The following STON2 variants were observed in gnomAD, a reference collection of about 807,000 sequenced individuals.
The protein encoded by STON2 is stonin-2.
Under a neutral mutation model 65.7 loss-of-function variants are expected in STON2, and 29 were observed. The observed-to-expected ratio is 0.44, with a 90% confidence interval of 0.33 to 0.60. The LOEUF (loss-of-function observed/expected upper bound fraction) is 0.60. Ranked by LOEUF, STON2 falls within the 20% of genes least tolerant of loss-of-function variation. The probability of loss-of-function intolerance (pLI) is 0.03; values close to 1 mark genes in which losing one functional copy is unlikely to be tolerated. For synonymous variants in STON2, 404 were observed against 414.2 expected, an observed-to-expected ratio of 0.98 and a Z score of 0.30; for missense variants, 1,054 against 1,118.1, an observed-to-expected ratio of 0.94 and a Z score of 0.82.
intron 4 of STON2, among the ~76,000 whole-genome samples, chr14:81,365,029 T>C (rs1468345314): frequency 6.6e-6 from 1 of 152,196 alleles, no homozygotes. Flanking sequence ...GCCCATCCCA[T>C]GGAACACAGG....
At chr14:81,362,930 G>A (rs962061859) in intron 4 of STON2, among the ~76,000 whole-genome samples, 19 of 152,270 alleles carry the variant, frequency 1.2e-4, no homozygotes, top group African/African-American at 4.3e-4. Flanking sequence ...ACAAAGAATT[G>A]TGGTCCAGTG....
At chr14:81,396,401 G>A (rs1595440589) in intron 2 of STON2, among the ~76,000 whole-genome samples, 1 of 152,288 alleles carries the variant, frequency 6.6e-6, no homozygotes, top group East Asian at 1.9e-4. Context: ...CAGTATCCTG[G>A]CAGGCAGAGA....
chr14:81,378,529 T>C (rs1899360792), intron 3 of STON2, among the ~76,000 whole-genome samples: 2 of 152,362 alleles, frequency 1.3e-5, no homozygotes, highest in East Asian at 1.9e-4. Context: ...TACTAGTCCT[T>C]TGTTGGCTGT....
chr14:81,381,224 A>T (rs1899498310), intron 3 of STON2, among the ~76,000 whole-genome samples: 10 of 152,354 alleles, frequency 6.6e-5, no homozygotes, highest in African/African-American at 2.4e-4. Context: ...TGTGAAGGCT[A>T]TATAAGAAAC....
intron 4 of STON2, among the ~76,000 whole-genome samples, chr14:81,345,082 A>G (rs1276670528): frequency 6.6e-6 from 1 of 152,202 alleles, no homozygotes; most frequent in Non-Finnish European, 1.5e-5. Flanking sequence ...CAGCTCCTAT[A>G]GCTTGTGACA....
intron 5 of STON2, among the ~76,000 whole-genome samples, chr14:81,308,028 T>C (rs1320248485): frequency 6.6e-6 from 1 of 152,134 alleles, no homozygotes; most frequent in Non-Finnish European, 1.5e-5. Flanking sequence ...AGATAATATA[T>C]CTGAAGCTGT....
At chr14:81,301,260 T>C (rs933502900) in intron 5 of STON2, among the ~76,000 whole-genome samples, 4 of 152,190 alleles carry the variant, frequency 2.6e-5, no homozygotes, top group Non-Finnish European at 4.4e-5. Context: ...CAGTAAACCA[T>C]GTCCGAAAAA....
chr14:81,354,199 A>C (rs1898133308), intron 4 of STON2, among the ~76,000 whole-genome samples: 1 of 152,172 alleles, frequency 6.6e-6, no homozygotes, highest in Non-Finnish European at 1.5e-5. Context: ...CCAACAGCTC[A>C]GCCTGACTGC....
At chr14:81,430,080 C>T (rs1329033813) in intron 1 of STON2, among the ~76,000 whole-genome samples, 2 of 152,152 alleles carry the variant, frequency 1.3e-5, no homozygotes, top group Non-Finnish European at 2.9e-5. Flanking sequence ...AGACCCATTC[C>T]TTCCCTAAAG....
upstream of STON2, among the ~76,000 whole-genome samples, chr14:81,404,029 G>A (rs1205987056): frequency 1.3e-5 from 2 of 152,168 alleles, no homozygotes; most frequent in African/African-American, 4.8e-5. Context: ...ATGGCTTTTA[G>A]TAAATGCTTG....
chr14:81,281,972 C>A (rs1431239200), intron 5 of STON2, among the ~76,000 whole-genome samples: 1 of 152,122 alleles, frequency 6.6e-6, no homozygotes, highest in Admixed American at 6.6e-5. Flanking sequence ...AACTTATTCT[C>A]TGGGATGGTA....
At chr14:81,363,105 A>T (rs1024293158) in intron 4 of STON2, among the ~76,000 whole-genome samples, 3 of 152,198 alleles carry the variant, frequency 2.0e-5, no homozygotes, top group African/African-American at 7.2e-5. Context: ...TGAGCCCAGG[A>T]AAGAGACTTG....
intron 4 of STON2, among the ~76,000 whole-genome samples, chr14:81,353,139 A>G (rs541941889): frequency 6.6e-6 from 1 of 152,358 alleles, no homozygotes; most frequent in East Asian, 1.9e-4. Context: ...TTAAAAGATG[A>G]CAGTAAAATT....
At chr14:81,313,477 G>C (rs1896505236) in intron 5 of STON2, among the ~76,000 whole-genome samples, 1 of 151,324 alleles carries the variant, frequency 6.6e-6, no homozygotes. Context: ...GTCTCACAGT[G>C]AGAAAGAAAA....
chr14:81,387,130 C>T (rs1431189895), intron 3 of STON2, among the ~76,000 whole-genome samples: 1 of 150,036 alleles, frequency 6.7e-6, no homozygotes, highest in East Asian at 2.0e-4. Flanking sequence ...GAGAACTATA[C>T]AAAATTTCAT....
chr14:81,389,539 A>G (rs1395275202), intron 3 of STON2, among the ~76,000 whole-genome samples: 1 of 152,238 alleles, frequency 6.6e-6, no homozygotes, highest in African/African-American at 2.4e-5. Flanking sequence ...TGATGGGCAA[A>G]TCATTTCTAT....
At chr14:81,435,346 TA>T (rs2139940440) in intron 1 of STON2, among the ~76,000 whole-genome samples, 1 of 152,292 alleles carries the variant, frequency 6.6e-6, no homozygotes, top group Non-Finnish European at 1.5e-5. Context: ...ATTTACTCTT[TA>T]AAAGCCCATC....
chr14:81,287,013 T>C (rs1595295639), intron 5 of STON2, among the ~76,000 whole-genome samples: 1 of 152,186 alleles, frequency 6.6e-6, no homozygotes, highest in Admixed American at 6.5e-5. Flanking sequence ...CTTAGGAACA[T>C]TTTTCAACAG....
intron 5 of STON2, among the ~76,000 whole-genome samples, chr14:81,281,936 T>C (rs1303203794): frequency 2.6e-5 from 4 of 152,166 alleles, no homozygotes; most frequent in African/African-American, 9.6e-5. Context: ...GGCAGTTTCA[T>C]GTCCCATAAT....
Sources: gnomAD v4.1 joint callset for allele counts (sites outside exome capture counted in the v4.1 genomes callset) on GRCh38, gnomAD v4.1.1 for gene constraint, MANE v1.5 for transcripts, NCBI Gene and HGNC (gene_info 2026-07-23, HGNC 2026-07-21) for gene names.